The following PALLD variants were observed in gnomAD, a reference collection of about 807,000 sequenced individuals.
The protein encoded by PALLD is palladin.
PALLD carries 61 observed loss-of-function variants against 123.5 expected under a neutral mutation model. The ratio of observed to expected loss-of-function variants is 0.49; its 90% confidence interval spans 0.40 to 0.61. PALLD has a LOEUF of 0.61. PALLD is among the 20% of genes least tolerant of loss of function. PALLD has a pLI of 0.00. For missense variants in PALLD, 1,273 were observed against 1,377.0 expected (o/e 0.92, Z 1.20); for synonymous variants, 465 against 496.4 (o/e 0.94, Z 0.84).
intron 8 of PALLD, among the ~76,000 whole-genome samples, chr4:168,692,561 G>C (rs1490071876): frequency 6.6e-6 from 1 of 152,226 alleles, no homozygotes; most frequent in Non-Finnish European, 1.5e-5. Context: ...CCTGTAGGGA[G>C]TTAGGGCACA....
chr4:168,793,188 T>C (rs1241466591), intron 10 of PALLD, among the ~76,000 whole-genome samples: 1 of 109,610 alleles, frequency 9.1e-6, no homozygotes, highest in East Asian at 3.5e-4. Context: ...TATATATACA[T>C]ATATATGTGT....
chr4:168,918,538 G>C (rs963714962), intron 17 of PALLD, among the ~76,000 whole-genome samples: 1 of 152,104 alleles, frequency 6.6e-6, no homozygotes, highest in African/African-American at 2.4e-5. Flanking sequence ...GACGGGGAGA[G>C]GGAAAGTTGG....
chr4:168,611,309 G>A (rs1323556887), intron 2 of PALLD, among the ~76,000 whole-genome samples: 3 of 152,172 alleles, frequency 2.0e-5, no homozygotes, highest in Admixed American at 6.5e-5. Context: ...CCACCAGTTT[G>A]CGGTGAAGTC....
At chr4:168,520,053 A>T (rs1266085455) in intron 2 of PALLD, among the ~76,000 whole-genome samples, 1 of 151,760 alleles carries the variant, frequency 6.6e-6, no homozygotes, top group Non-Finnish European at 1.5e-5. Context: ...TTCGCCGGGC[A>T]CGGTGGCTCA....
intron 2 of PALLD, among the ~76,000 whole-genome samples, chr4:168,613,006 GC>G (rs1773885200): frequency 6.6e-6 from 1 of 152,206 alleles, no homozygotes; most frequent in Non-Finnish European, 1.5e-5. Context: ...TGAAGTTTCT[GC>G]TTCCTGAATA....
intron 10 of PALLD, among the ~76,000 whole-genome samples, chr4:168,834,694 A>G (rs1240907986): frequency 6.6e-6 from 1 of 152,028 alleles, no homozygotes; most frequent in Non-Finnish European, 1.5e-5. Context: ...CCAAGATTAC[A>G]CCACTGCACT....
chr4:168,557,011 C>G (rs975513835), intron 2 of PALLD, among the ~76,000 whole-genome samples: 36 of 137,844 alleles, frequency 2.6e-4, no homozygotes, highest in African/African-American at 8.5e-4. Flanking sequence ...TCAATGGGCT[C>G]TCAACTCACA....
intron 10 of PALLD, among the ~76,000 whole-genome samples, chr4:168,720,551 G>T (rs570514627): frequency 5.3e-5 from 8 of 152,206 alleles, no homozygotes; most frequent in African/African-American, 1.2e-4. Flanking sequence ...CACATTGGAG[G>T]TTGATAAGGA....
rs114414869 is a variant in PALLD at position 168,665,670 on chromosome 4, C to G, written c.909-2520C>G. Among the ~76,000 whole-genome samples the G allele has an allele frequency of 5.2e-3, 798 of 152,294 alleles. 12 individuals are homozygous for G. The highest frequency in any genetic ancestry group is 0.018 in the African/African-American group (734 of 41,546). ...TCTGGTCCAGAACTTATCAGACCAA[C>G]ACTTCTTAAAGTGCACATGATCACC... On this transcript the variant is annotated intron_variant, in intron 2 of 21. Coordinates refer to ENST00000505667, the MANE Select transcript of PALLD (RefSeq NM_001166108.2).
intron 10 of PALLD, among the ~76,000 whole-genome samples, chr4:168,783,046 A>ATATGTG (rs1554082039): frequency 6.5e-4 from 76 of 116,164 alleles, no homozygotes; most frequent in East Asian, 1.1e-3. Context: ...TTATATATAT[A>ATATGTG]TGTGTGTGTG....
chr4:168,542,611 C>T (rs933676901), intron 2 of PALLD, among the ~76,000 whole-genome samples: 1 of 149,240 alleles, frequency 6.7e-6, no homozygotes, highest in African/African-American at 2.5e-5. Flanking sequence ...TATACCATGA[C>T]TACTTATGTA....
chr4:168,633,398 G>A (rs1218376476), intron 2 of PALLD, among the ~76,000 whole-genome samples: 1 of 152,144 alleles, frequency 6.6e-6, no homozygotes, highest in Admixed American at 6.5e-5. Flanking sequence ...GTGTCTGATG[G>A]AAAAGATTGT....
intron 10 of PALLD, chr4:168,864,101 A>G (rs1749904718): frequency 6.6e-6 from 1 of 152,204 alleles, no homozygotes; most frequent in Non-Finnish European, 1.5e-5. Flanking sequence ...TGATACCACT[A>G]TAGTCATATA....
intron 2 of PALLD, among the ~76,000 whole-genome samples, chr4:168,657,959 T>C (rs1026900594): frequency 6.6e-6 from 1 of 152,034 alleles, no homozygotes; most frequent in African/African-American, 2.4e-5. Flanking sequence ...CCCCTCTGTC[T>C]CAAAAAAAGA....
chr4:168,867,093 T>C (rs2151061299), intron 10 of PALLD, among the ~76,000 whole-genome samples: 1 of 152,336 alleles, frequency 6.6e-6, no homozygotes, highest in East Asian at 1.9e-4. Flanking sequence ...TCCAGCTGCA[T>C]AATCTTGGAC....
rs1288320010 is a variant in PALLD at position 168,869,975 on chromosome 4, C to T, written c.1965-20947C>T. Among the ~76,000 whole-genome samples, 1 of 152,162 alleles carries T rather than the reference C, an allele frequency of 6.6e-6. No individual in the cohort carries two copies. ...GAACAAGGAGAGTTGTTAGTGATGT[C>T]AAGGGAGAAGAGTGCTTCAAGAAAG... On this transcript the variant is annotated intron_variant, in intron 10 of 21. Transcript: ENST00000505667. The surrounding 1 kb of genome is among the most constrained non-coding windows in gnomAD (Gnocchi z 4.5).
chr4:168,567,572 TA>T (rs1260445369), intron 2 of PALLD, among the ~76,000 whole-genome samples: 2 of 149,536 alleles, frequency 1.3e-5, no homozygotes. Flanking sequence ...TGTGTGTATG[TA>T]GATATATATA....
chr4:168,773,063 A>G (rs1007331019), intron 10 of PALLD, among the ~76,000 whole-genome samples: 6 of 152,202 alleles, frequency 3.9e-5, no homozygotes, highest in African/African-American at 9.7e-5. Context: ...CTTTCCGCCT[A>G]TGACATTCTC....
At chr4:168,648,391 T>C (rs1037835987) in intron 2 of PALLD, 2 of 152,194 alleles carry the variant, frequency 1.3e-5, no homozygotes, top group African/African-American at 2.4e-5. Flanking sequence ...ACTGTAGAGA[T>C]AGATGCAAAT....
Sources: allele counts gnomAD v4.1 joint callset (sites outside exome capture counted in the v4.1 genomes callset), GRCh38; gene constraint gnomAD v4.1.1; non-coding constraint Gnocchi (gnomAD v3.1); transcripts MANE v1.5; gene names NCBI Gene and HGNC (gene_info 2026-07-23, HGNC 2026-07-21).